DERA: variants seen among roughly 807,000 people sequenced by gnomAD.
DERA encodes the protein deoxyribose-phosphate aldolase.
Under a neutral mutation model 41.1 loss-of-function variants are expected in DERA, and 15 were observed. The ratio of observed to expected loss-of-function variants is 0.37; its 90% CI spans 0.24 to 0.56. The LOEUF (loss-of-function observed/expected upper bound fraction) is 0.56, where lower values mean the gene tolerates loss of function less well. Among genes scored for constraint, DERA ranks in the 20% least tolerant of loss-of-function variants. DERA has a pLI of 0.81. For synonymous variants in DERA, 139 were observed against 137.4 expected (o/e 1.01, Z -0.08); for missense variants, 396 against 403.4 (o/e 0.98, Z 0.16).
Position 15,911,546 on chromosome 12 carries a change from G to T in DERA, c.31+132G>T. On this transcript the variant is annotated intron_variant, in intron 1 of 8. Coordinates refer to ENST00000428559, the MANE Select transcript of DERA (RefSeq NM_015954.4). This position sits in a 1 kb window ranked among gnomAD's most constrained non-coding sequence, Gnocchi z 4.5. ...GGTTTTCGCTGGGGCGGGAAGCAGT[G>T]GCGTCTGGTCAGCCCTCACCCCAAG... is the stretch of plus-strand genomic sequence containing the variant. The T allele has an allele frequency of 1.1e-6, 1 of 940,828 alleles. No individual in the cohort carries two copies. The highest frequency in any genetic ancestry group is 1.7e-5 in the South Asian group (1 of 59,946). 58.3% of individuals were successfully genotyped at this position (940,828 alleles called of 1,614,324 possible). A position where few individuals can be genotyped will look rare whatever the true frequency, so the allele number is the denominator to read the frequency against.
rs1480224575 is a variant in DERA at position 15,993,520 on chromosome 12, A to T, written c.637+11084A>T. Among the ~76,000 whole-genome samples, 1 of 148,506 alleles carries T rather than the reference A, an allele frequency of 6.7e-6. No individual in the cohort carries two copies. The highest frequency in any genetic ancestry group is 2.5e-5 in the African/African-American group (1 of 40,326). ...TAAAAAAAATAAGATCTTGCCTTTCATAGGAAAAAGCATTTAATTTATGAA... is the reference window on the plus strand; with the variant it reads ...TAAAAAAAATAAGATCTTGCCTTTCTTAGGAAAAAGCATTTAATTTATGAA... On this transcript the variant is annotated intron_variant, in intron 6 of 8. Transcript: ENST00000428559. This position sits in a 1 kb window ranked among gnomAD's most constrained non-coding sequence, Gnocchi z 4.4.
chr12:16,017,959 T>C lies in DERA; in HGVS notation c.638-14583T>C, dbSNP rs1948994129. 6.6e-6 allele frequency among the ~76,000 whole-genome samples: 1 copy of C among 152,210 alleles called. No individual in the cohort carries two copies. The highest frequency in any genetic ancestry group is 6.5e-5 in the Admixed American group (1 of 15,284). Reference sequence around the variant, plus strand: ...ATAAAATGTTAATAATACCTTCCACTGTGCTGTTCTTTTGTAGCATAGCAG... The same window carrying C: ...ATAAAATGTTAATAATACCTTCCACCGTGCTGTTCTTTTGTAGCATAGCAG... On this transcript the variant is annotated intron_variant, in intron 6 of 8. Transcript: ENST00000428559. This position sits in a 1 kb window ranked among gnomAD's most constrained non-coding sequence, Gnocchi z 5.5.
At chr12:16,002,671 C>T (rs898590997) in intron 6 of DERA, among the ~76,000 whole-genome samples, 1 of 152,132 alleles carries the variant, frequency 6.6e-6, no homozygotes. Flanking sequence ...ATTAGAGTCC[C>T]ATGCTGTACA....
intron 1 of DERA, among the ~76,000 whole-genome samples, chr12:15,953,600 C>T (rs928825106): frequency 1.3e-5 from 2 of 152,142 alleles, no homozygotes; most frequent in Non-Finnish European, 2.9e-5. Context: ...TCATTGCCTT[C>T]CAATTATGGT....
chr12:16,010,507 T>C lies in DERA; in HGVS notation c.638-22035T>C, dbSNP rs931138334. On this transcript the variant is annotated intron_variant, in intron 6 of 8. Coordinates refer to ENST00000428559, the MANE Select transcript of DERA (RefSeq NM_015954.4). This position sits in a 1 kb window ranked among gnomAD's most constrained non-coding sequence, Gnocchi z 5.5. ...CCCCTTTGCCAGCATATACTGCTTTTGTTGAGGAATCAAGGTCTCCGGTGG... is the reference window on the plus strand; with the variant it reads ...CCCCTTTGCCAGCATATACTGCTTTCGTTGAGGAATCAAGGTCTCCGGTGG... Among the ~76,000 whole-genome samples, 1 of 151,986 alleles carries C rather than the reference T, an allele frequency of 6.6e-6. No homozygotes were observed. The highest frequency in any genetic ancestry group is 1.5e-5 in the Non-Finnish European group (1 of 68,010).
In DERA at chr12:15,996,872, G is replaced by T. The variant is rs1474353218; in HGVS notation, c.637+14436G>T. The stretch of plus-strand genomic sequence containing the variant: ...TGGTTTTGTGGATAGGGGAAATCTA[G>T]TAGATATTAAATATTTTTATCTGCA... On this transcript the variant is annotated intron_variant, in intron 6 of 8. Transcript: ENST00000428559. This position sits in a 1 kb window ranked among gnomAD's most constrained non-coding sequence, Gnocchi z 4.7. 6.6e-6 allele frequency among the ~76,000 whole-genome samples: 1 copy of T among 152,166 alleles called. No individual in the cohort carries two copies. Among genetic ancestry groups the T allele is most frequent in the Non-Finnish European group, 1.5e-5 (1 of 68,032 alleles).
chr12:15,976,432 T>G lies in DERA; in HGVS notation c.509-5876T>G, dbSNP rs559042301. On this transcript the variant is annotated intron_variant, in intron 5 of 8. Transcript: ENST00000428559. This position sits in a 1 kb window ranked among gnomAD's most constrained non-coding sequence, Gnocchi z 4.1. The stretch of plus-strand genomic sequence containing the variant: ...TCACCTCGCCTCCATCATGTTGCCA[T>G]GATGTAGCAACATGCAGGCCAAGAA... Among the ~76,000 whole-genome samples the G allele has an allele frequency of 1.3e-3, 198 of 152,228 alleles. No homozygotes were observed. Among genetic ancestry groups the G allele is most frequent in the Non-Finnish European group, 2.1e-3 (145 of 68,024 alleles).
intron 1 of DERA, among the ~76,000 whole-genome samples, chr12:15,956,319 CAG>C: frequency 6.6e-6 from 1 of 152,206 alleles, no homozygotes; most frequent in East Asian, 1.9e-4. Flanking sequence ...ACAAAAGCAA[CAG>C]AGATAGCTCC....
intron 5 of DERA, among the ~76,000 whole-genome samples, chr12:15,978,668 A>G (rs1948714454): frequency 1.3e-5 from 2 of 152,182 alleles, no homozygotes. Flanking sequence ...ATATATAGTA[A>G]GCCGTTTCCC....
intron 5 of DERA, chr12:15,971,763 C>T (rs901110720): frequency 1.2e-5 from 2 of 162,322 alleles, no homozygotes; most frequent in African/African-American, 4.8e-5. Flanking sequence ...GGTGACCCAC[C>T]TGCCTCGGCC....
At chr12:15,980,288 C>T (rs1433249741) in intron 5 of DERA, among the ~76,000 whole-genome samples, 1 of 152,204 alleles carries the variant, frequency 6.6e-6, no homozygotes, top group Non-Finnish European at 1.5e-5. Flanking sequence ...TAAGGTCCCA[C>T]AGGAAATGAT....
rs766528210 is a variant in DERA at position 16,036,871 on chromosome 12, T to TA, written c.*125_*126insA. On this transcript the variant is annotated 3_prime_UTR_variant, in exon 9 of 9. Coordinates refer to ENST00000428559, the MANE Select transcript of DERA (RefSeq NM_015954.4). This position sits in a 1 kb window ranked among gnomAD's most constrained non-coding sequence, Gnocchi z 4.9. Reference sequence around the variant, plus strand: ...TAACTGGCATTCCTCTCTTTAAAATTTCTACCGAACTTAATGGAATGGAAA... The same window carrying TA: ...TAACTGGCATTCCTCTCTTTAAAATTATCTACCGAACTTAATGGAATGGAAA... 7.1e-6 allele frequency: 5 copies of TA among 708,944 alleles called. No individual in the cohort carries two copies. The highest frequency in any genetic ancestry group is 1.2e-5 in the Non-Finnish European group (5 of 417,962). 43.9% of individuals were successfully genotyped at this position (708,944 alleles called of 1,614,324 possible).
At chr12:16,006,658 A>G (rs1276558019) in intron 6 of DERA, among the ~76,000 whole-genome samples, 1 of 152,232 alleles carries the variant, frequency 6.6e-6, no homozygotes, top group Non-Finnish European at 1.5e-5. Flanking sequence ...CATTTTGGAC[A>G]TGTCTCTCAG....
Position 16,011,133 on chromosome 12 carries a change from G to C in DERA, c.638-21409G>C, listed in dbSNP as rs545124645. Among the ~76,000 whole-genome samples the C allele has an allele frequency of 9.1e-4, 139 of 152,250 alleles. 4 individuals carry two copies. The highest frequency in any genetic ancestry group is 4.1e-3 in the South Asian group (20 of 4,828). ...TAATAGATTCCACACAAGCATACCTGACTTTTAATGTTAATATATACTATA... is the reference window on the plus strand; with the variant it reads ...TAATAGATTCCACACAAGCATACCTCACTTTTAATGTTAATATATACTATA... On this transcript the variant is annotated intron_variant, in intron 6 of 8. Transcript: ENST00000428559. This position sits in a 1 kb window ranked among gnomAD's most constrained non-coding sequence, Gnocchi z 4.7.
rs1379646796 is a variant in DERA, at chr12:15,913,277, T to C, written c.31+1863T>C. ...GGTTTTTATGCAGCTATCGAAATGA[T>C]CATAGCTTTGTATTTATTATCTTAT... On this transcript the variant is annotated intron_variant, in intron 1 of 8. Coordinates refer to ENST00000428559, the MANE Select transcript of DERA (RefSeq NM_015954.4). The surrounding 1 kb of genome is among the most constrained non-coding windows in gnomAD (Gnocchi z 4.5). 2.0e-5 allele frequency among the ~76,000 whole-genome samples: 3 copies of C among 152,224 alleles called. No individual in the cohort carries two copies. The highest frequency in any genetic ancestry group is 4.4e-5 in the Non-Finnish European group (3 of 68,040).
At chr12:15,968,829 G>C (rs151277150) in intron 5 of DERA, among the ~76,000 whole-genome samples, 354 of 152,286 alleles carry the variant, frequency 2.3e-3, no homozygotes, top group African/African-American at 8.1e-3. Context: ...CCCGATGATG[G>C]TCTGTTGTCA....
Position 15,998,559 on chromosome 12 carries a change from C to T in DERA, c.637+16123C>T, listed in dbSNP as rs989856578. 3.9e-5 allele frequency among the ~76,000 whole-genome samples: 6 copies of T among 152,054 alleles called. No individual in the cohort carries two copies. The East Asian group carries it at 7.7e-4, about 20-fold the overall frequency. On this transcript the variant is annotated intron_variant, in intron 6 of 8. Transcript: ENST00000428559. This position sits in a 1 kb window ranked among gnomAD's most constrained non-coding sequence, Gnocchi z 4.8. Reference sequence around the variant, plus strand: ...CTCGAACTCCTGACCTCAGGTGATCCGCCTGCCTCAGCCTCCCAATGTGCT... The same window carrying T: ...CTCGAACTCCTGACCTCAGGTGATCTGCCTGCCTCAGCCTCCCAATGTGCT...
intron 6 of DERA, among the ~76,000 whole-genome samples, chr12:16,006,475 G>A (rs1257142155): frequency 1.3e-5 from 2 of 152,166 alleles, no homozygotes; most frequent in Non-Finnish European, 2.9e-5. Context: ...GTTAGTGAGC[G>A]GCCCTCATTT....
rs1034482353 is a variant in DERA at position 16,013,895 on chromosome 12, G to C, written c.638-18647G>C. ...GGAACTTGTAGAGGACTGGAGCAAA[G>C]GTCACTCTTGCTGTGCTTTAGCAAA... On this transcript the variant is annotated intron_variant, in intron 6 of 8. Coordinates refer to ENST00000428559, the MANE Select transcript of DERA (RefSeq NM_015954.4). The surrounding 1 kb of genome is among the most constrained non-coding windows in gnomAD (Gnocchi z 5.8). 6.6e-6 allele frequency among the ~76,000 whole-genome samples: 1 copy of C among 152,178 alleles called. No individual in the cohort carries two copies. Among genetic ancestry groups the C allele is most frequent in the Non-Finnish European group, 1.5e-5 (1 of 68,034 alleles).
Sources: allele counts gnomAD v4.1 joint callset (sites outside exome capture counted in the v4.1 genomes callset), GRCh38; gene constraint gnomAD v4.1.1; non-coding constraint Gnocchi (gnomAD v3.1); transcripts MANE v1.5; gene names NCBI Gene and HGNC (gene_info 2026-07-23, HGNC 2026-07-21).